The following SEMA5B variants were observed in gnomAD, a reference collection of about 807,000 sequenced individuals.
SEMA5B encodes semaphorin-5B.
A neutral mutation model predicts 135.0 loss-of-function variants in SEMA5B; 66 were observed. The observed-to-expected ratio is 0.49, with a 90% CI of 0.40 to 0.60. The LOEUF (loss-of-function observed/expected upper bound fraction) is 0.60, where lower values mean the gene tolerates loss of function less well. Ranked by LOEUF, SEMA5B falls within the 20% of genes least tolerant of loss-of-function variation. SEMA5B has a pLI of 0.00. For synonymous variants in SEMA5B, 690 were observed against 639.5 expected, an observed-to-expected ratio of 1.08 and a Z score of -1.19; for missense variants, 1,501 against 1,566.3, an observed-to-expected ratio of 0.96 and a Z score of 0.70.
intron 1 of SEMA5B, among the ~76,000 whole-genome samples, chr3:122,969,969 A>T (rs1468971124): frequency 6.6e-6 from 1 of 152,136 alleles, no homozygotes; most frequent in Non-Finnish European, 1.5e-5. Flanking sequence ...CAGGAATTAG[A>T]AAGCTGTCCA....
rs532525489 is a variant in SEMA5B at position 122,965,906 on chromosome 3, G to A, written c.-38-4605C>T. On this transcript the variant is annotated intron_variant, in intron 1 of 22. Coordinates refer to ENST00000357599, the MANE Select transcript of SEMA5B (RefSeq NM_001031702.4). ...GGCTACATGAGATGGGAGCTCTGAG[G>A]GAGTCCTCTCAGAGTCTGCCAGACA... Among the ~76,000 whole-genome samples, 3 of 152,310 alleles carry A rather than the reference G, an allele frequency of 2.0e-5. No individual in the cohort carries two copies. The East Asian group carries it at 5.8e-4, about 29-fold the overall frequency.
chr3:122,927,989 G>A lies in SEMA5B; in HGVS notation c.651C>T (p.Ser217=). The change falls in exon 8 of 23, where the codon AGC becomes AGT. Residue 217 remains serine (S), a synonymous_variant. Transcript: ENST00000357599. ...CACCATTGATCTTCTCAATAGTCCG[G>A]CTGAGGTTCCCCACCTGGGGACAAT... The part of the protein sequence containing the change: ...MCTSRQVGNL[S]RTIEKINGVA... 1.4e-6 allele frequency: 2 copies of A among 1,476,422 alleles called. No homozygotes were observed. The highest frequency in any genetic ancestry group is 9.0e-7 in the Non-Finnish European group (1 of 1,108,280). The allele number at this position is 1,476,422 out of a possible 1,614,324, so 91.5% of individuals were successfully genotyped here.
intron 4 of SEMA5B, 95 bp downstream of exon 4, chr3:122,943,341 C>T (rs371947014): frequency 6.6e-5 from 54 of 823,152 alleles, no homozygotes; most frequent in South Asian, 4.0e-4. Flanking sequence ...GCCCAGCACG[C>T]GGGGCTGCCC....
Position 122,910,955 on chromosome 3 carries a change from T to C in SEMA5B, c.3182A>G (p.His1061Arg). ...GGACTCCTGGGACTGACGCTGGCAG[T>C]GCTGGCAAGACAGGTACACTGCTAG... ...LTLAVYLSCQ[H>R]CQRQSQESTL... is the part of the protein sequence containing the mutation. The change falls in exon 22 of 23, where the codon CAC (histidine) becomes CGC (arginine). Residue 1061 changes from histidine to arginine, a missense_variant. His to Arg is a conservative substitution (Grantham distance 29). Around this residue, in one of 2 missense-constraint regions of SEMA5B, gnomAD observed 927 missense variants for 881.6 expected, o/e 1.05. Coordinates refer to ENST00000357599, the MANE Select transcript of SEMA5B (RefSeq NM_001031702.4). The C allele has an allele frequency of 6.2e-7, 1 of 1,613,902 alleles. No homozygotes were observed. The highest frequency in any genetic ancestry group is 2.2e-5 in the East Asian group (1 of 44,868).
rs916719028 is a variant in SEMA5B at position 122,911,662 on chromosome 3, G to A, written c.3047-127C>T. On this transcript the variant is annotated intron_variant, in intron 20 of 22. Transcript: ENST00000357599. ...GACGTAGGACTAGGTAGGCGTGGGG[G>A]CCTTCATTCCCCTCCCTCTCTCCTC... The A allele has an allele frequency of 3.2e-5, 33 of 1,043,896 alleles. No homozygotes were observed. The East Asian group carries it at 7.0e-4, about 22-fold the overall frequency. The allele number at this position is 1,043,896 out of a possible 1,614,324, so 64.7% of individuals were successfully genotyped here. A position where few individuals can be genotyped will look rare whatever the true frequency, so the allele number is the denominator to read the frequency against.
chr3:122,913,969 G>A lies in SEMA5B; in HGVS notation c.2021C>T (p.Ala674Val), dbSNP rs752644883. 11 of 1,609,226 alleles carry A rather than the reference G, an allele frequency of 6.8e-6. No individual in the cohort carries two copies. The highest frequency in any genetic ancestry group is 9.3e-6 in the Non-Finnish European group (11 of 1,178,314). The change falls in exon 15 of 23, where the codon GCG becomes GTG. Residue 674 changes from alanine to valine, a missense_variant. Ala to Val is a moderately conservative substitution (Grantham distance 64). This residue lies in a region of SEMA5B where 927 missense variants were observed against 881.6 expected (regional missense o/e 1.05). Coordinates refer to ENST00000357599, the MANE Select transcript of SEMA5B (RefSeq NM_001031702.4). ...GATGCCACAGGACGTGCTGCACAGC[G>A]CCCACGATGACCACGGGGTCCACGC... Reference protein sequence around the residue: ...NGAWTPWSSWALCSTSCGIGF... With the variant: ...NGAWTPWSSWVLCSTSCGIGF...
At chr3:122,969,341 G>T (rs1220221810) in intron 1 of SEMA5B, among the ~76,000 whole-genome samples, 3 of 152,180 alleles carry the variant, frequency 2.0e-5, no homozygotes, top group South Asian at 2.1e-4. Context: ...GGAAGGTGAA[G>T]GTGCTCTCTC....
At position 122,912,061 on chromosome 3, in the gene SEMA5B, A is replaced by G. The variant is rs759440928; in HGVS notation, c.2905T>C (p.Ser969Pro). Residue 969 changes from serine to proline, a missense_variant, in exon 20 of 23, where the codon TCG (serine) becomes CCG (proline). By Grantham distance (74) the Ser-to-Pro change is moderately conservative. Transcript: ENST00000357599. ...CATQACPEGW[S>P]PWSEWSKCTD... is the part of the protein sequence containing the mutation. ...CACTTACTCCACTCAGACCAGGGCG[A>G]CCAGCCTTCTGGGGATTGTGGGTAG... 1.2e-6 allele frequency: 2 copies of G among 1,612,168 alleles called. No homozygotes were observed.
At chr3:122,980,632 A>AATT (rs1338722325) in intron 1 of SEMA5B, among the ~76,000 whole-genome samples, 2 of 152,168 alleles carry the variant, frequency 1.3e-5, no homozygotes, top group East Asian at 3.9e-4. Context: ...CAATGGCCCA[A>AATT]ATTATTATTA....
chr3:122,942,108 A>G (rs987156070), intron 4 of SEMA5B, among the ~76,000 whole-genome samples: 5 of 152,178 alleles, frequency 3.3e-5, no homozygotes, highest in African/African-American at 7.2e-5. Context: ...TGAATGTCCT[A>G]CCATAAGACA....
In SEMA5B at chr3:122,927,903, TC is replaced by T; in HGVS notation, c.736del (p.Glu246SerfsTer95). 2 of 1,593,840 alleles carry T rather than the reference TC, an allele frequency of 1.3e-6. No individual in the cohort carries two copies. Among genetic ancestry groups the T allele is most frequent in the Non-Finnish European group, 1.7e-6 (2 of 1,169,542 alleles). On this transcript the variant is annotated frameshift_variant, in exon 8 of 23. Coordinates refer to ENST00000357599, the MANE Select transcript of SEMA5B (RefSeq NM_001031702.4). LOFTEE classifies it high-confidence loss of function. ...NSTAVISSQG[E>X]LYAATVIDFS... ...GTCGATGACCGTGGCTGCATAGAGC[TC>T]CCCCTGGGAGGAGATGACAGCTGTG...
chr3:122,913,450 T>C (rs764795208), intron 16 of SEMA5B, 26 bp from the exon 17 acceptor site: 30 of 1,560,836 alleles, frequency 1.9e-5, no homozygotes, highest in Non-Finnish European at 2.4e-5. Flanking sequence ...GAGGCAGCTT[T>C]AGAACCCCAC....
At chr3:122,997,524 C>CCG (rs1942052941) in intron 1 of SEMA5B, among the ~76,000 whole-genome samples, 1 of 151,374 alleles carries the variant, frequency 6.6e-6, no homozygotes, top group African/African-American at 2.4e-5. Flanking sequence ...CCTCTCCCCC[C>CCG]CCCGTCTCCA....
At chr3:122,947,658 G>A (rs1939848745) in intron 3 of SEMA5B, among the ~76,000 whole-genome samples, 1 of 152,176 alleles carries the variant, frequency 6.6e-6, no homozygotes. Context: ...CTTCCCATCT[G>A]TAAAAGGCAG....
intron 1 of SEMA5B, among the ~76,000 whole-genome samples, chr3:123,019,832 T>A (rs1403232862): frequency 6.6e-6 from 1 of 152,028 alleles, no homozygotes; most frequent in Non-Finnish European, 1.5e-5. Context: ...CAAGGGAGCC[T>A]AGGAGTTCCT....
intron 1 of SEMA5B, among the ~76,000 whole-genome samples, chr3:123,015,524 A>G (rs1161889439): frequency 6.6e-6 from 1 of 152,126 alleles, no homozygotes; most frequent in East Asian, 1.9e-4. Context: ...ATGCCCAGAG[A>G]TGAAGAGACA....
At chr3:122,954,200 T>G (rs957352909) in intron 2 of SEMA5B, among the ~76,000 whole-genome samples, 2 of 152,192 alleles carry the variant, frequency 1.3e-5, no homozygotes, top group African/African-American at 4.8e-5. Context: ...ATTACAGGCA[T>G]GAGCCTCTGT....
intron 12 of SEMA5B, among the ~76,000 whole-genome samples, chr3:122,921,528 G>A (rs780816094): frequency 3.3e-5 from 5 of 152,186 alleles, no homozygotes; most frequent in Admixed American, 6.5e-5. Context: ...CCACATCTGG[G>A]CAATAAGTGC....
chr3:122,988,124 G>C (rs1270367590), intron 1 of SEMA5B, among the ~76,000 whole-genome samples: 1 of 152,136 alleles, frequency 6.6e-6, no homozygotes, highest in Non-Finnish European at 1.5e-5. Flanking sequence ...TCCCTCTGGG[G>C]TGAGACTCGA....
Sources: gnomAD v4.1 joint callset for allele counts (sites outside exome capture counted in the v4.1 genomes callset) on GRCh38, gnomAD v4.1.1 for gene constraint, gnomAD v4.1.1 regional missense constraint, MANE v1.5 for transcripts, NCBI Gene and HGNC (gene_info 2026-07-23, HGNC 2026-07-21) for gene names.